The following TOMT variants were observed in gnomAD, a reference collection of about 807,000 sequenced individuals.
The protein encoded by TOMT is transmembrane O-methyltransferase.
TOMT carries 23 observed loss-of-function variants against 21.7 expected under a neutral mutation model. The observed-to-expected ratio is 1.06, with a 90% CI of 0.76 to 1.50. The LOEUF (loss-of-function observed/expected upper bound fraction) is 1.50. Among genes scored for constraint, TOMT ranks in the 40% most tolerant of loss-of-function variants. The pLI, the probability that TOMT is intolerant of heterozygous loss-of-function variation, is 0.00. For synonymous variants in TOMT, 132 were observed against 150.8 expected (o/e 0.88, Z 0.91); for missense variants, 331 against 348.7 (o/e 0.95, Z 0.41).
chr11:72,108,036 C>T, exon 2 of TOMT: 1 of 1,551,386 alleles, frequency 6.4e-7, no homozygotes, highest in East Asian at 2.4e-5. Flanking sequence ...CCCTGGGGGT[C>T]GCCTTCTTAC....
In TOMT at chr11:72,108,024, C is replaced by T. The variant is rs1288510412; in HGVS notation, c.361C>T (p.Pro121Ser). 7 of 1,551,568 alleles carry T rather than the reference C, an allele frequency of 4.5e-6. No homozygotes were observed. The East Asian group carries it at 1.7e-4, about 38-fold the overall frequency. ...TACCCTGCTTATTGCCCGAGCCCTGCCCCCTGGGGGTCGCCTTCTTACTGT... is the reference window on the plus strand; with the variant it reads ...TACCCTGCTTATTGCCCGAGCCCTGTCCCCTGGGGGTCGCCTTCTTACTGT... The change falls in exon 2 of 3, where the codon CCC (proline) becomes TCC (serine). Residue 121 changes from proline (P) to serine (S), a missense_variant. By Grantham distance (74) the Pro-to-Ser change is moderately conservative (BLOSUM62 -1). Coordinates refer to ENST00000541899, the Ensembl canonical transcript of TOMT.
exon 2 of TOMT, chr11:72,108,056 G>A: frequency 6.5e-7 from 1 of 1,549,900 alleles, no homozygotes; most frequent in Non-Finnish European, 8.7e-7. Context: ...CTGTGGAGCG[G>A]GACCCACGCA....
At chr11:72,109,531 A>C, downstream of TOMT, 1 of 407,602 alleles carries the variant, frequency 2.5e-6, no homozygotes, top group Non-Finnish European at 4.7e-6. Flanking sequence ...CCTAAAGCCC[A>C]AAAGAAGATG....
intron 2 of TOMT, among the ~76,000 whole-genome samples, 167 bp downstream of exon 2, chr11:72,108,286 A>G (rs1945923959): frequency 6.6e-6 from 1 of 152,196 alleles, no homozygotes; most frequent in Admixed American, 6.5e-5. Flanking sequence ...TCATCTGCAC[A>G]TTATTTTCTG....
intron 1 of TOMT, chr11:72,106,443 G>C (rs1012740858): frequency 1.8e-5 from 8 of 437,096 alleles, no homozygotes; most frequent in Non-Finnish European, 2.0e-5. Flanking sequence ...GAGGGGTAGA[G>C]GCCACAGAGA....
chr11:72,106,094 G>C lies in TOMT; in HGVS notation c.143G>C (p.Arg48Pro). Residue 48 changes from arginine to proline, a missense_variant, in exon 1 of 3, where the codon CGG becomes CCG. By Grantham distance (103) the Arg-to-Pro change is moderately radical (BLOSUM62 -2). Transcript: ENST00000541899. ...CTGTCAGGGCTGCGGATCGAGGAGC[G>C]GGCCTTCAGCTACGTGCTCACCCAT... 1 of 1,549,330 alleles carries C rather than the reference G, an allele frequency of 6.5e-7. No homozygotes were observed. The highest frequency in any genetic ancestry group is 8.7e-7 in the Non-Finnish European group (1 of 1,146,888).
intron 2 of TOMT, 98 bp downstream of exon 2, chr11:72,108,217 C>A: frequency 1.8e-6 from 2 of 1,116,790 alleles, no homozygotes; most frequent in South Asian, 1.9e-5. Context: ...AAGGAAGCAC[C>A]TCCACTCTGG....
chr11:72,106,226 C>A lies in TOMT; in HGVS notation c.259+16C>A, dbSNP rs1386079331. ...CCTGTCAAAGGTCAGTGTTCCCTAG[C>A]CTTCTGCTCCAAGAAGTACCCCCAA... On this transcript the variant is annotated intron_variant, in intron 1 of 2. Transcript: ENST00000541899. 3.4e-6 allele frequency: 5 copies of A among 1,460,082 alleles called. No homozygotes were observed. In the African/African-American group the frequency reaches 4.2e-5, roughly 12 times the overall value. 90.4% of individuals were successfully genotyped at this position (1,460,082 alleles called of 1,614,324 possible). A position where few individuals can be genotyped will look rare whatever the true frequency, so the allele number is the denominator to read the frequency against.
chr11:72,108,086 A>C, exon 2 of TOMT: 3 of 1,523,510 alleles, frequency 2.0e-6, no homozygotes, highest in Admixed American at 4.1e-5. Flanking sequence ...TGGCTGAAAA[A>C]CTCATCCGCC....
rs773358488 is a variant in TOMT at position 72,106,163 on chromosome 11, A to ACT, written c.213_214dup (p.Trp72SerfsTer9). The ACT allele has an allele frequency of 1.3e-6, 2 of 1,524,330 alleles. No individual in the cohort carries two copies. Among genetic ancestry groups the ACT allele is most frequent in the South Asian group, 2.4e-5 (2 of 83,474 alleles). 94.4% of individuals were successfully genotyped at this position (1,524,330 alleles called of 1,614,324 possible). A position where few individuals can be genotyped will look rare whatever the true frequency, so the allele number is the denominator to read the frequency against. On this transcript the variant is annotated frameshift_variant, in exon 1 of 3. Coordinates refer to ENST00000541899, the Ensembl canonical transcript of TOMT. LOFTEE classifies it high-confidence loss of function. ...GGTCACATCCTCACCACCCTGGACCACTGGAGCAGCCGCTGCGAGTACTTG... is the reference window on the plus strand; with the variant it reads ...GGTCACATCCTCACCACCCTGGACCACTCTGGAGCAGCCGCTGCGAGTACTTG...
At chr11:72,107,741 G>A in intron 1 of TOMT, 182 bp from the exon 2 acceptor site, 1 of 640,974 alleles carries the variant, frequency 1.6e-6, no homozygotes, top group South Asian at 1.9e-5. Context: ...TCCAGGGCTG[G>A]TGTGAAGACT....
In TOMT at chr11:72,109,081, A is replaced by C. The variant is rs571179861; in HGVS notation, c.*156A>C. 1.5e-4 allele frequency: 98 copies of C among 646,604 alleles called. 1 individual carries two copies. In the African/African-American group the frequency reaches 1.6e-3, roughly 11 times the overall value. The allele number at this position is 646,604 out of a possible 1,614,324, so 40.1% of individuals were successfully genotyped here. A position where few individuals can be genotyped will look rare whatever the true frequency, so the allele number is the denominator to read the frequency against. ...ACCTCTGACCTCTTTCAGCCTCTAC[A>C]CTGACCTCAAGTGTCAAGTTCTATC... is the stretch of plus-strand genomic sequence containing the variant. On this transcript the variant is annotated 3_prime_UTR_variant, in exon 3 of 3. Coordinates refer to ENST00000541899, the Ensembl canonical transcript of TOMT.
chr11:72,107,874 C>A, intron 1 of TOMT, 49 bp from the exon 2 acceptor site: 3 of 1,541,692 alleles, frequency 1.9e-6, no homozygotes, highest in Non-Finnish European at 2.6e-6. Flanking sequence ...TTATCAGGGG[C>A]CCTGCATCCA....
chr11:72,106,894 T>C (rs1945735953), intron 1 of TOMT: 1 of 150,792 alleles, frequency 6.6e-6, no homozygotes, highest in Non-Finnish European at 1.5e-5. Flanking sequence ...TGAGCTGTGA[T>C]TGTGCCACTG....
Position 72,108,744 on chromosome 11 carries a change from C to T in TOMT, c.596C>T (p.Ala199Val), listed in dbSNP as rs540371915. 732 of 1,550,430 alleles carry T rather than the reference C, an allele frequency of 4.7e-4. No homozygotes were observed. Among genetic ancestry groups the T allele is most frequent in the Non-Finnish European group, 5.5e-4 (633 of 1,146,894 alleles). ...GACCTGCAGCTGCTGGAGGCCCATG[C>T]CCTACTGCCAGCAGGTGCCACCGTG... The change falls in exon 3 of 3, where the codon GCC (alanine) becomes GTC (valine). Residue 199 changes from alanine (A) to valine (V), a missense_variant. Coordinates refer to ENST00000541899, the Ensembl canonical transcript of TOMT.
At position 72,108,542 on chromosome 11, in the gene TOMT, T is replaced by TG. The variant is rs1278895934; in HGVS notation, c.457-59dup. 7 of 1,385,768 alleles carry TG rather than the reference T, an allele frequency of 5.1e-6. No individual in the cohort carries two copies. The African/African-American group carries it at 8.7e-5, about 17-fold the overall frequency. The allele number at this position is 1,385,768 out of a possible 1,614,324, so 85.8% of individuals were successfully genotyped here. ...TGGCATGAAGTAAGCCAGATCCTGG[T>TG]GGGGTCTTGACTGGGAGAACAATTC... is the stretch of plus-strand genomic sequence containing the variant. On this transcript the variant is annotated intron_variant, in intron 2 of 2. Coordinates refer to ENST00000541899, the Ensembl canonical transcript of TOMT.
chr11:72,105,952 A>G, exon 1 of TOMT: 1 of 1,548,050 alleles, frequency 6.5e-7, no homozygotes, highest in East Asian at 2.4e-5. Flanking sequence ...GGTAGGGACC[A>G]TGTCCCCTGC....
chr11:72,109,521 C>T, downstream of TOMT: 1 of 399,222 alleles, frequency 2.5e-6, no homozygotes, highest in Non-Finnish European at 4.8e-6. Context: ...GTGCCCTCTT[C>T]CTAAAGCCCA....
At chr11:72,107,900 G>T in intron 1 of TOMT, 23 bp from the exon 2 acceptor site, 3 of 1,551,476 alleles carry the variant, frequency 1.9e-6, no homozygotes, top group Non-Finnish European at 2.6e-6. Context: ...CATGTCTTCT[G>T]CAACAGCCAT....
Sources: gnomAD v4.1 joint callset for allele counts (sites outside exome capture counted in the v4.1 genomes callset) on GRCh38, gnomAD v4.1.1 for gene constraint, MANE v1.5 for transcripts, NCBI Gene and HGNC (gene_info 2026-07-23, HGNC 2026-07-21) for gene names.